The following CAMTA1 variants were observed in gnomAD, a reference collection of about 807,000 sequenced individuals.
CAMTA1 encodes the protein calmodulin-binding transcription activator 1.
Under a neutral mutation model 170.9 loss-of-function variants are expected in CAMTA1, and 27 were observed. That is an observed-to-expected ratio of 0.16 (90% CI 0.12 to 0.22). The LOEUF is 0.22. Ranked by LOEUF, CAMTA1 falls within the 10% of genes least tolerant of loss-of-function variation. The pLI is 1.00. For missense variants in CAMTA1, 1,619 were observed against 2,217.2 expected (o/e 0.73, Z 5.42); for synonymous variants, 833 against 891.5 (o/e 0.93, Z 1.17).
At chr1:7,009,546 C>G (rs531792861) in intron 3 of CAMTA1, among the ~76,000 whole-genome samples, 2 of 152,206 alleles carry the variant, frequency 1.3e-5, no homozygotes, top group Non-Finnish European at 2.9e-5. Flanking sequence ...GCCAGGTGCC[C>G]TGTGTTGCCG....
At chr1:7,258,515 C>T (rs1667732566) in intron 5 of CAMTA1, among the ~76,000 whole-genome samples, 1 of 152,122 alleles carries the variant, frequency 6.6e-6, no homozygotes, top group Non-Finnish European at 1.5e-5. Context: ...TGTTTGGTCC[C>T]CAACACACAG....
At chr1:7,428,603 A>G (rs2091991445) in intron 5 of CAMTA1, among the ~76,000 whole-genome samples, 1 of 152,018 alleles carries the variant, frequency 6.6e-6, no homozygotes, top group African/African-American at 2.4e-5. Context: ...TCCCTACCAC[A>G]TCCTCCCCTG....
chr1:7,506,613 C>G (rs1381912102), intron 6 of CAMTA1, among the ~76,000 whole-genome samples: 1 of 151,540 alleles, frequency 6.6e-6, no homozygotes, highest in Non-Finnish European at 1.5e-5. Context: ...AAGTCACACT[C>G]TCATACTAAT....
chr1:6,880,383 G>GTTTTTTTT lies in CAMTA1; in HGVS notation c.234+55190_234+55197dup, dbSNP rs34745856. On this transcript the variant is annotated intron_variant, in intron 3 of 22. Transcript: ENST00000303635. ...GCCACCAGGCCCAGCCTCTAAAAGT[G>GTTTTTTTT]TTTTTTTTTTTTTTTTTTTTTTTTG... Among the ~76,000 whole-genome samples the GTTTTTTTT allele has an allele frequency of 8.9e-4, 60 of 67,202 alleles. 1 individual carries two copies. Among genetic ancestry groups the GTTTTTTTT allele is most frequent in the Non-Finnish European group, 1.3e-3 (48 of 37,638 alleles). The allele number at this position is 67,202 out of a possible 152,430, so 44.1% of individuals were successfully genotyped here. A position where few individuals can be genotyped will look rare whatever the true frequency, so the allele number is the denominator to read the frequency against.
At chr1:7,308,695 T>C (rs1675979616) in intron 5 of CAMTA1, among the ~76,000 whole-genome samples, 1 of 152,230 alleles carries the variant, frequency 6.6e-6, no homozygotes, top group Non-Finnish European at 1.5e-5. Context: ...GGAACATATT[T>C]TGTAGATTTC....
At chr1:7,344,193 T>C (rs531137815) in intron 5 of CAMTA1, among the ~76,000 whole-genome samples, 2 of 152,378 alleles carry the variant, frequency 1.3e-5, no homozygotes, top group East Asian at 3.9e-4. Context: ...GGAGCCGGCC[T>C]GAAGGGGCCT....
chr1:6,920,772 G>A (rs1472902707), intron 3 of CAMTA1, among the ~76,000 whole-genome samples: 1 of 152,206 alleles, frequency 6.6e-6, no homozygotes, highest in African/African-American at 2.4e-5. Flanking sequence ...TCCACCCTCT[G>A]AAGCAACAGC....
intron 3 of CAMTA1, chr1:6,872,088 T>C (rs755645685): frequency 6.5e-6 from 4 of 616,654 alleles, no homozygotes; most frequent in Non-Finnish European, 8.6e-6. Flanking sequence ...ACAGTATATT[T>C]CCTTTTTTAT....
intron 11 of CAMTA1, among the ~76,000 whole-genome samples, chr1:7,705,293 C>T (rs1336166890): frequency 1.3e-5 from 2 of 149,090 alleles, no homozygotes; most frequent in Non-Finnish European, 3.0e-5. Flanking sequence ...GTGTCCATGC[C>T]GCGAGGGTGT....
intron 3 of CAMTA1, among the ~76,000 whole-genome samples, chr1:6,979,936 C>G (rs1035795282): frequency 1.3e-5 from 2 of 152,208 alleles, no homozygotes; most frequent in East Asian, 3.8e-4. Context: ...GCTCAGCCCA[C>G]TATGTGCGCA....
chr1:7,382,883 G>A (rs1263923398), intron 5 of CAMTA1, among the ~76,000 whole-genome samples: 1 of 148,816 alleles, frequency 6.7e-6, no homozygotes, highest in African/African-American at 2.5e-5. Context: ...TATTCCTATA[G>A]CCTCAAAGGT....
chr1:7,578,398 C>G (rs542278913), intron 6 of CAMTA1, among the ~76,000 whole-genome samples: 23 of 152,220 alleles, frequency 1.5e-4, no homozygotes, highest in African/African-American at 5.3e-4. Context: ...CCCCGCCAGG[C>G]TCTCACAGCA....
At position 7,547,356 on chromosome 1, in the gene CAMTA1, A is replaced by ACAC. The variant is rs1431325519; in HGVS notation, c.510+79456_510+79458dup. On this transcript the variant is annotated intron_variant, in intron 6 of 22. Coordinates refer to ENST00000303635, the MANE Select transcript of CAMTA1 (RefSeq NM_015215.4). The surrounding 1 kb of genome is among the most constrained non-coding windows in gnomAD (Gnocchi z 5.7). ...GAATATATGTATCATATGCACACAC[A>ACAC]CACACACACACACACACACACACAC... Among the ~76,000 whole-genome samples, 2 of 91,048 alleles carry ACAC rather than the reference A, an allele frequency of 2.2e-5. No individual in the cohort carries two copies. Among genetic ancestry groups the ACAC allele is most frequent in the African/African-American group, 6.6e-5 (2 of 30,312 alleles). The allele number at this position is 91,048 out of a possible 152,430, so 59.7% of individuals were successfully genotyped here. A position where few individuals can be genotyped will look rare whatever the true frequency, so the allele number is the denominator to read the frequency against.
In CAMTA1 at chr1:7,665,506, G is replaced by A. The variant is rs998971978; in HGVS notation, c.2652+307G>A. On this transcript the variant is annotated intron_variant, in intron 9 of 22. Transcript: ENST00000303635. This position sits in a 1 kb window ranked among gnomAD's most constrained non-coding sequence, Gnocchi z 4.3. ...AGGCAGGAGGATCATCTGAGCCAAGGAGTTCCAAACCAACCTGGGCAACGT... is the reference window on the plus strand; with the variant it reads ...AGGCAGGAGGATCATCTGAGCCAAGAAGTTCCAAACCAACCTGGGCAACGT... Among the ~76,000 whole-genome samples, 1 of 152,094 alleles carries A rather than the reference G, an allele frequency of 6.6e-6. No individual in the cohort carries two copies. The highest frequency in any genetic ancestry group is 1.5e-5 in the Non-Finnish European group (1 of 68,020).
chr1:7,215,069 T>TA (rs1659514602), intron 4 of CAMTA1, among the ~76,000 whole-genome samples: 1 of 152,178 alleles, frequency 6.6e-6, no homozygotes, highest in Admixed American at 6.5e-5. Context: ...TAACTGTAGC[T>TA]ATATAATAAG....
chr1:7,001,873 T>C (rs1698249120), intron 3 of CAMTA1, among the ~76,000 whole-genome samples: 1 of 149,880 alleles, frequency 6.7e-6, no homozygotes. Flanking sequence ...CAACCCTTTT[T>C]CTTTCTTTCT....
At position 7,609,198 on chromosome 1, in the gene CAMTA1, T is replaced by C. The variant is rs927719946; in HGVS notation, c.511-31202T>C. 6.6e-6 allele frequency among the ~76,000 whole-genome samples: 1 copy of C among 152,078 alleles called. No individual in the cohort carries two copies. Among genetic ancestry groups the C allele is most frequent in the East Asian group, 1.9e-4 (1 of 5,158 alleles). ...CCTCCTAGCCACAGACAGGGGTTTA[T>C]GATGAGCCGGCTTGCTCATCCTTGA... On this transcript the variant is annotated intron_variant, in intron 6 of 22. Transcript: ENST00000303635. This position sits in a 1 kb window ranked among gnomAD's most constrained non-coding sequence, Gnocchi z 4.4.
chr1:6,802,336 G>A (rs1643954643), intron 1 of CAMTA1, among the ~76,000 whole-genome samples: 1 of 152,146 alleles, frequency 6.6e-6, no homozygotes, highest in African/African-American at 2.4e-5. Flanking sequence ...AAATATTCAA[G>A]ACTGGGTATT....
intron 3 of CAMTA1, among the ~76,000 whole-genome samples, chr1:7,079,981 C>T (rs1477903549): frequency 1.3e-5 from 2 of 152,156 alleles, no homozygotes; most frequent in Non-Finnish European, 2.9e-5. Context: ...TGTTTTACAT[C>T]TTGAATATGG....
Sources: allele counts gnomAD v4.1 joint callset (sites outside exome capture counted in the v4.1 genomes callset), GRCh38; gene constraint gnomAD v4.1.1; non-coding constraint Gnocchi (gnomAD v3.1); transcripts MANE v1.5; gene names NCBI Gene and HGNC (gene_info 2026-07-23, HGNC 2026-07-21).